The following BUD31 variants were observed in gnomAD, a reference collection of about 807,000 sequenced individuals.
BUD31 encodes the protein protein BUD31 homolog.
BUD31 carries 9 observed loss-of-function variants against 17.9 expected under a neutral mutation model. The ratio of observed to expected loss-of-function variants is 0.50; its 90% CI spans 0.30 to 0.88. The LOEUF (loss-of-function observed/expected upper bound fraction) is 0.88, where lower values mean the gene tolerates loss of function less well. Ranked by LOEUF, BUD31 falls within the 40% of genes least tolerant of loss-of-function variation. The probability of loss-of-function intolerance (pLI) is 0.06; values close to 1 mark genes in which losing one functional copy is unlikely to be tolerated. For missense variants in BUD31, 148 were observed against 184.5 expected (o/e 0.80, Z 1.15); for synonymous variants, 70 against 64.7 (o/e 1.08, Z -0.39).
chr7:99,419,402 C>G lies in BUD31; in HGVS notation c.396C>G (p.Ile132Met). 1.2e-6 allele frequency: 2 copies of G among 1,613,092 alleles called. No homozygotes were observed. Among genetic ancestry groups the G allele is most frequent in the Non-Finnish European group, 1.7e-6 (2 of 1,180,014 alleles). The change falls in exon 6 of 6, where the codon ATC (isoleucine) becomes ATG (methionine). Residue 132 changes from isoleucine (I) to methionine (M), a missense_variant. Coordinates refer to ENST00000222969, the MANE Select transcript of BUD31 (RefSeq NM_003910.4). ...CTCCTCCGTTGCAGGGCCGCATCAT[C>G]GAGTGCACACACTGTGGCTGTCGTG... ...PKSKLEVGRI[I>M]ECTHCGCRGC...
rs749051832 is a variant in BUD31 at position 99,419,473 on chromosome 7, T to C, written c.*32T>C. 3 of 1,608,464 alleles carry C rather than the reference T, an allele frequency of 1.9e-6. No homozygotes were observed. Among genetic ancestry groups the C allele is most frequent in the Non-Finnish European group, 2.5e-6 (3 of 1,179,672 alleles). On this transcript the variant is annotated 3_prime_UTR_variant, in exon 6 of 6. Coordinates refer to ENST00000222969, the MANE Select transcript of BUD31 (RefSeq NM_003910.4). Reference sequence around the variant, plus strand: ...CGCGCTCCACCCTGGACTCTGGACTTCGCAGGTTCCTGCCTGTCACGCCAC... The same window carrying C: ...CGCGCTCCACCCTGGACTCTGGACTCCGCAGGTTCCTGCCTGTCACGCCAC...
intron 3 of BUD31, chr7:99,412,053 C>G (rs920976112): frequency 2.2e-5 from 4 of 183,074 alleles, no homozygotes; most frequent in African/African-American, 9.6e-5. Context: ...TGTAACTAAC[C>G]TAATCATGGT....
chr7:99,413,031 T>TA (rs746817421), intron 3 of BUD31, among the ~76,000 whole-genome samples: 66 of 152,222 alleles, frequency 4.3e-4, no homozygotes, highest in African/African-American at 1.5e-3. Context: ...CTAATGGACT[T>TA]ACCGTTCCAT....
intron 4 of BUD31, 135 bp from the exon 5 acceptor site, chr7:99,417,294 C>G (rs1423826240): frequency 3.7e-6 from 3 of 811,764 alleles, no homozygotes; most frequent in African/African-American, 3.4e-5. Flanking sequence ...CTCAGGTGAT[C>G]CGCCTGCCTC....
intron 2 of BUD31, among the ~76,000 whole-genome samples, chr7:99,410,568 C>T (rs1795139999): frequency 4.0e-5 from 6 of 151,878 alleles, no homozygotes; most frequent in Admixed American, 3.9e-4. Context: ...AAATACTCAC[C>T]CCCATGGCTC....
intron 4 of BUD31, among the ~76,000 whole-genome samples, chr7:99,416,561 G>A (rs1795476336): frequency 1.3e-5 from 2 of 151,776 alleles, no homozygotes; most frequent in African/African-American, 4.8e-5. Context: ...TGGGATTACA[G>A]GCACCTGCCA....
At position 99,417,603 on chromosome 7, in the gene BUD31, C is replaced by CT. The variant is rs1795575783; in HGVS notation, c.384+9dup. Reference sequence around the variant, plus strand: ...AAAAGCAAGCTGGAAGTGGTAATGTCTGACACTCAAGCTTGGTGTTGTTTT... The same window carrying CT: ...AAAAGCAAGCTGGAAGTGGTAATGTCTTGACACTCAAGCTTGGTGTTGTTTT... On this transcript the variant is annotated intron_variant, in intron 5 of 5. Transcript: ENST00000222969. The CT allele has an allele frequency of 1.2e-6, 2 of 1,610,424 alleles. No homozygotes were observed. The highest frequency in any genetic ancestry group is 3.3e-5 in the Admixed American group (2 of 59,990).
At chr7:99,414,895 G>A (rs541733799) in intron 3 of BUD31, among the ~76,000 whole-genome samples, 2 of 152,308 alleles carry the variant, frequency 1.3e-5, no homozygotes, top group South Asian at 4.1e-4. Flanking sequence ...ACCGATTCCG[G>A]CCAGCCCTGT....
At chr7:99,416,382 G>A (rs1795460008) in intron 4 of BUD31, 122 bp downstream of exon 4, 2 of 1,313,418 alleles carry the variant, frequency 1.5e-6, no homozygotes, top group Non-Finnish European at 2.1e-6. Context: ...GAAAATTAGG[G>A]GGAGCCAACG....
rs932165399 is a variant in BUD31 at position 99,417,803 on chromosome 7, T to C, written c.384+208T>C. ...GTGTGTTTGTTAGGTCTGGGGTCAA[T>C]CTCAACTCCACTTTTGGGCAAATTA... is the stretch of plus-strand genomic sequence containing the variant. On this transcript the variant is annotated intron_variant, in intron 5 of 5. Transcript: ENST00000222969. 17 of 1,513,292 alleles carry C rather than the reference T, an allele frequency of 1.1e-5. No homozygotes were observed. The Admixed American group carries it at 2.5e-4, about 22-fold the overall frequency. The allele number at this position is 1,513,292 out of a possible 1,614,324, so 93.7% of individuals were successfully genotyped here.
intron 2 of BUD31, 88 bp from the exon 3 acceptor site, chr7:99,410,976 T>C: frequency 1.2e-6 from 1 of 813,684 alleles, no homozygotes. Context: ...CTATGCTGAC[T>C]CAAGGAAGTC....
chr7:99,411,222 C>T, intron 3 of BUD31, 36 bp downstream of exon 3: 1 of 1,554,610 alleles, frequency 6.4e-7, no homozygotes, highest in South Asian at 1.1e-5. Flanking sequence ...TGGGCTGGGT[C>T]CAAGGGTCAC....
intron 3 of BUD31, among the ~76,000 whole-genome samples, chr7:99,414,239 A>G (rs1224078214): frequency 3.3e-5 from 5 of 151,606 alleles, no homozygotes; most frequent in Admixed American, 6.6e-5. Flanking sequence ...TCCCGAGTTC[A>G]GGCAATTCTC....
chr7:99,414,930 C>T lies in BUD31; in HGVS notation c.95-1208C>T, dbSNP rs556743730. Among the ~76,000 whole-genome samples, 12 of 152,290 alleles carry T rather than the reference C, an allele frequency of 7.9e-5. No individual in the cohort carries two copies. In the South Asian group the frequency reaches 1.7e-3, roughly 21 times the overall value. ...TTTAACTTCTTGAGGAGCCACCTAA[C>T]TCTTCTGCAGTGGCTCCACCATTTT... is the stretch of plus-strand genomic sequence containing the variant. On this transcript the variant is annotated intron_variant, in intron 3 of 5. Transcript: ENST00000222969.
chr7:99,411,334 C>A, intron 3 of BUD31, 148 bp downstream of exon 3: 1 of 595,618 alleles, frequency 1.7e-6, no homozygotes, highest in South Asian at 2.3e-5. Flanking sequence ...TGGGGAAATA[C>A]TGTAAGTGCC....
intron 2 of BUD31, among the ~76,000 whole-genome samples, chr7:99,410,781 T>C (rs1795151205): frequency 6.6e-6 from 1 of 152,232 alleles, no homozygotes; most frequent in Non-Finnish European, 1.5e-5. Flanking sequence ...CCAGGCATGA[T>C]AGATACAATT....
At chr7:99,415,969 A>G (rs1795425243) in intron 3 of BUD31, among the ~76,000 whole-genome samples, 169 bp from the exon 4 acceptor site, 1 of 152,198 alleles carries the variant, frequency 6.6e-6, no homozygotes, top group Non-Finnish European at 1.5e-5. Flanking sequence ...ATTATACTAG[A>G]ACAGCTCGTG....
intron 5 of BUD31, 181 bp downstream of exon 5, chr7:99,417,776 CTG>C (rs1386666095): frequency 7.2e-6 from 11 of 1,530,754 alleles, no homozygotes; most frequent in Middle Eastern, 2.0e-4. Flanking sequence ...CAGCGTGTGG[CTG>C]TGTGTTTGTT....
intron 1 of BUD31, among the ~76,000 whole-genome samples, chr7:99,409,797 T>G: frequency 6.7e-6 from 1 of 149,814 alleles, no homozygotes; most frequent in African/African-American, 2.5e-5. Context: ...TTGTAAAGTG[T>G]CAGTACAGAA....
Sources: allele counts gnomAD v4.1 joint callset (sites outside exome capture counted in the v4.1 genomes callset), GRCh38; gene constraint gnomAD v4.1.1; transcripts MANE v1.5; gene names NCBI Gene and HGNC (gene_info 2026-07-23, HGNC 2026-07-21).